The following SANBR variants were observed in gnomAD, a reference collection of about 807,000 sequenced individuals.
The protein encoded by SANBR is SANT and BTB domain regulator of CSR.
In SANBR, 77 loss-of-function variants were observed where a neutral mutation model predicts 101.8. The ratio of observed to expected loss-of-function variants is 0.76; its 90% CI spans 0.63 to 0.91. SANBR has a LOEUF of 0.91. SANBR is among the 40% of genes least tolerant of loss of function. SANBR has a pLI of 0.00. For missense variants in SANBR, 875 were observed against 853.0 expected (o/e 1.03, Z -0.32); for synonymous variants, 279 against 274.7 (o/e 1.02, Z -0.15).
intron 8 of SANBR, among the ~76,000 whole-genome samples, chr2:61,085,825 A>G (rs544744776): frequency 3.3e-5 from 5 of 152,242 alleles, no homozygotes; most frequent in African/African-American, 4.8e-5. Context: ...CACTGTCTTA[A>G]TTTTGATAGC....
intron 19 of SANBR, 79 bp downstream of exon 19, chr2:61,117,619 G>A: frequency 8.0e-7 from 1 of 1,242,572 alleles, no homozygotes; most frequent in Non-Finnish European, 1.2e-6. Flanking sequence ...TATACAGTAT[G>A]CTGAATAGCT....
chr2:61,105,318 A>G (rs1429077404), intron 13 of SANBR, among the ~76,000 whole-genome samples: 2 of 151,332 alleles, frequency 1.3e-5, no homozygotes, highest in African/African-American at 4.8e-5. Flanking sequence ...GTGAGCTGAG[A>G]TTGTGCCACT....
chr2:61,079,594 T>C (rs1681981519), intron 6 of SANBR, among the ~76,000 whole-genome samples: 1 of 152,146 alleles, frequency 6.6e-6, no homozygotes, highest in Non-Finnish European at 1.5e-5. Context: ...GATTCCAGAC[T>C]AACCAGCTAT....
downstream of SANBR, among the ~76,000 whole-genome samples, chr2:61,128,378 G>A (rs1391808436): frequency 1.3e-5 from 2 of 151,274 alleles, no homozygotes; most frequent in Non-Finnish European, 3.0e-5. Context: ...TAACAGCCCA[G>A]GCACAGTGGC....
intron 5 of SANBR, 128 bp from the exon 6 acceptor site, chr2:61,076,792 C>CTA (rs1390742091): frequency 1.5e-6 from 1 of 659,560 alleles, no homozygotes; most frequent in Non-Finnish European, 2.6e-6. Flanking sequence ...TGTCAAGACC[C>CTA]TATAAAACTG....
At chr2:61,105,856 G>C (rs1488755256) in intron 13 of SANBR, among the ~76,000 whole-genome samples, 1 of 151,844 alleles carries the variant, frequency 6.6e-6, no homozygotes, top group African/African-American at 2.4e-5. Flanking sequence ...TATTTTAGTA[G>C]AGACAGGGTT....
chr2:61,106,295 G>A (rs563372578), intron 13 of SANBR, among the ~76,000 whole-genome samples: 18 of 150,928 alleles, frequency 1.2e-4, no homozygotes, highest in Non-Finnish European at 2.2e-4. Flanking sequence ...GGAGGCTGAG[G>A]CAGGAGAATC....
chr2:61,083,350 C>A, intron 8 of SANBR, 36 bp downstream of exon 8: 1 of 1,182,954 alleles, frequency 8.5e-7, no homozygotes, highest in Non-Finnish European at 1.2e-6. Context: ...CCTAATACTC[C>A]TGTTAAAAGA....
downstream of SANBR, among the ~76,000 whole-genome samples, chr2:61,125,600 G>A (rs901682096): frequency 3.4e-4 from 52 of 152,186 alleles, no homozygotes; most frequent in African/African-American, 1.3e-3. Flanking sequence ...TCTAACAGCA[G>A]CTCTCTTTCT....
rs1421872457 is a variant in SANBR at position 61,097,571 on chromosome 2, T to C, written c.1213-129T>C. The C allele has an allele frequency of 7.7e-6, 5 of 648,206 alleles. No individual in the cohort carries two copies. The Admixed American group carries it at 1.5e-4, about 19-fold the overall frequency. 40.2% of individuals were successfully genotyped at this position (648,206 alleles called of 1,614,324 possible). A position where few individuals can be genotyped will look rare whatever the true frequency, so the allele number is the denominator to read the frequency against. ...CTGGCAACCACTAATCTACTTTGTG[T>C]CTGTATAGATTGGCTTTTTCTGCAT... On this transcript the variant is annotated intron_variant, in intron 11 of 21. Coordinates refer to ENST00000402291, the MANE Select transcript of SANBR (RefSeq NM_001129993.3).
chr2:61,115,908 G>T, intron 16 of SANBR, 71 bp from the exon 17 acceptor site: 1 of 888,262 alleles, frequency 1.1e-6, no homozygotes, highest in South Asian at 1.6e-5. Context: ...TGGTCTTATT[G>T]TTTAGAAGTA....
intron 13 of SANBR, among the ~76,000 whole-genome samples, 173 bp from the exon 14 acceptor site, chr2:61,106,390 C>CAAAAAAA (rs11364653): frequency 9.5e-5 from 6 of 63,254 alleles, no homozygotes; most frequent in Non-Finnish European, 8.5e-5. Context: ...GACTCCATCT[C>CAAAAAAA]AAAAAAAAAA....
intron 12 of SANBR, among the ~76,000 whole-genome samples, chr2:61,102,271 G>A (rs1435853260): frequency 6.6e-6 from 1 of 150,866 alleles, no homozygotes; most frequent in East Asian, 2.0e-4. Context: ...AGCTACTTGG[G>A]AGGCTGAGGC....
At chr2:61,072,260 A>G in intron 4 of SANBR, among the ~76,000 whole-genome samples, 1 of 152,018 alleles carries the variant, frequency 6.6e-6, no homozygotes. Context: ...AATCATGTTT[A>G]TCTTTGCTAT....
At chr2:61,112,576 C>G (rs978793190) in intron 16 of SANBR, among the ~76,000 whole-genome samples, 1 of 151,940 alleles carries the variant, frequency 6.6e-6, no homozygotes, top group Non-Finnish European at 1.5e-5. Context: ...TCACTGCAAC[C>G]TCTGCCTCCT....
At chr2:61,113,620 T>C (rs1683938383) in intron 16 of SANBR, among the ~76,000 whole-genome samples, 1 of 152,364 alleles carries the variant, frequency 6.6e-6, no homozygotes, top group South Asian at 2.1e-4. Context: ...TTGATGGTAA[T>C]ACTAATGATG....
intron 15 of SANBR, among the ~76,000 whole-genome samples, chr2:61,108,637 C>T (rs1244004274): frequency 2.0e-5 from 3 of 150,488 alleles, no homozygotes; most frequent in Non-Finnish European, 4.4e-5. Context: ...TGTTAAGTTC[C>T]AGTTATTTGA....
At chr2:61,120,949 A>G (rs970703788) in intron 20 of SANBR, among the ~76,000 whole-genome samples, 1 of 152,172 alleles carries the variant, frequency 6.6e-6, no homozygotes, top group Non-Finnish European at 1.5e-5. Context: ...TGGGGGTGAT[A>G]GGACTATTTT....
At chr2:61,092,939 C>G (rs1183612250) in intron 11 of SANBR, among the ~76,000 whole-genome samples, 1 of 151,928 alleles carries the variant, frequency 6.6e-6, no homozygotes, top group Non-Finnish European at 1.5e-5. Flanking sequence ...CAAGACCATC[C>G]TATCTAACAT....
Sources: allele counts gnomAD v4.1 joint callset (sites outside exome capture counted in the v4.1 genomes callset), GRCh38; gene constraint gnomAD v4.1.1; transcripts MANE v1.5; gene names NCBI Gene and HGNC (gene_info 2026-07-23, HGNC 2026-07-21).